Variants in SHISA2 observed in about 807,000 individuals in gnomAD.
SHISA2 encodes the protein shisa family member 2.
A neutral mutation model predicts 23.8 loss-of-function variants in SHISA2; 16 were observed. The observed-to-expected ratio is 0.67, with a 90% CI of 0.46 to 1.02. The LOEUF (loss-of-function observed/expected upper bound fraction) is 1.02. SHISA2 is among the 50% of genes least tolerant of loss of function. The probability of loss-of-function intolerance (pLI) is 0.00; values close to 1 mark genes in which losing one functional copy is unlikely to be tolerated. For synonymous variants in SHISA2, 201 were observed against 178.6 expected, an observed-to-expected ratio of 1.13 and a Z score of -1.00; for missense variants, 459 against 420.1, an observed-to-expected ratio of 1.09 and a Z score of -0.81.
rs931418422 is a variant in SHISA2 at position 26,050,674 on chromosome 13, C to G, written c.302G>C (p.Arg101Pro). Residue 101 changes from arginine (R) to proline (P), a missense_variant, in exon 1 of 2, where the codon CGG becomes CCG. By Grantham distance (103) the Arg-to-Pro change is moderately radical (BLOSUM62 -2). Coordinates refer to ENST00000319420, the MANE Select transcript of SHISA2 (RefSeq NM_001007538.2). ...DRQQGAGEPG[R>P]ADKDGPDGSA... ...GCCGTCGGGGCCGTCTTTGTCCGCC[C>G]GGCCAGGCTCGCCAGCGCCCTGCTG... is the stretch of plus-strand genomic sequence containing the variant. 5.1e-5 allele frequency: 74 copies of G among 1,452,858 alleles called. No individual in the cohort carries two copies. In the African/African-American group the frequency reaches 7.7e-4, roughly 15 times the overall value. 90.0% of individuals were successfully genotyped at this position (1,452,858 alleles called of 1,614,324 possible). A position where few individuals can be genotyped will look rare whatever the true frequency, so the allele number is the denominator to read the frequency against.
rs1257090544 is a variant in SHISA2, at chr13:26,050,660, C to G, written c.316G>C (p.Gly106Arg). Residue 106 changes from glycine to arginine, a missense_variant, in exon 1 of 2, where the codon GGC becomes CGC. Transcript: ENST00000319420. ...AGEPGRADKD[G>R]PDGSAVPIYV... is the part of the protein sequence containing the mutation. ...GCCCTACCTGCCGAGCCGTCGGGGCCGTCTTTGTCCGCCCGGCCAGGCTCG... is the reference window on the plus strand; with the variant it reads ...GCCCTACCTGCCGAGCCGTCGGGGCGGTCTTTGTCCGCCCGGCCAGGCTCG... 10 of 1,431,606 alleles carry G rather than the reference C, an allele frequency of 7.0e-6. No homozygotes were observed. Among genetic ancestry groups the G allele is most frequent in the African/African-American group, 1.5e-5 (1 of 66,564 alleles). The allele number at this position is 1,431,606 out of a possible 1,614,324, so 88.7% of individuals were successfully genotyped here. A position where few individuals can be genotyped will look rare whatever the true frequency, so the allele number is the denominator to read the frequency against.
At chr13:26,047,754 A>G (rs1377818821) in intron 1 of SHISA2, among the ~76,000 whole-genome samples, 1 of 152,098 alleles carries the variant, frequency 6.6e-6, no homozygotes, top group Non-Finnish European at 1.5e-5. Context: ...GTCTGTGTGG[A>G]GGTGGAGGGA....
At position 26,045,576 on chromosome 13, in the gene SHISA2, T is replaced by G. The variant is rs1197041170; in HGVS notation, c.*937A>C. ...CTCTTTTTAATGTAGAAAATCACTT[T>G]GTAATAAGATCTCTACATAAGGTAA... On this transcript the variant is annotated 3_prime_UTR_variant, in exon 2 of 2. Transcript: ENST00000319420. The G allele has an allele frequency of 1.3e-5, 2 of 152,270 alleles. No homozygotes were observed. The highest frequency in any genetic ancestry group is 4.8e-5 in the African/African-American group (2 of 41,536). The allele number at this position is 152,270 out of a possible 1,614,324, so 9.4% of individuals were successfully genotyped here.
chr13:26,048,745 T>C (rs758550645), intron 1 of SHISA2, among the ~76,000 whole-genome samples: 12 of 152,360 alleles, frequency 7.9e-5, no homozygotes, highest in Admixed American at 4.6e-4. Context: ...TTTTAAAGTA[T>C]AATACCAGGT....
Position 26,050,875 on chromosome 13 carries a change from C to T in SHISA2, c.101G>A (p.Ser34Asn), listed in dbSNP as rs767955826. 1 of 1,522,742 alleles carries T rather than the reference C, an allele frequency of 6.6e-7. No individual in the cohort carries two copies. Among genetic ancestry groups the T allele is most frequent in the South Asian group, 1.2e-5 (1 of 82,780 alleles). The allele number at this position is 1,522,742 out of a possible 1,614,324, so 94.3% of individuals were successfully genotyped here. A position where few individuals can be genotyped will look rare whatever the true frequency, so the allele number is the denominator to read the frequency against. Residue 34 changes from serine to asparagine, a missense_variant, in exon 1 of 2, where the codon AGC becomes AAC. By Grantham distance (46) the Ser-to-Asn change is conservative. Coordinates refer to ENST00000319420, the MANE Select transcript of SHISA2 (RefSeq NM_001007538.2). ...AALLAAGARA[S>N]GEYCHGWLDA... is the part of the protein sequence containing the mutation. ...CAGCCAGCCGTGGCAGTACTCGCCG[C>T]TGGCCCTCGCCCCCGCCGCCAGCAG...
rs1214665486 is a variant in SHISA2, at chr13:26,051,650, G to A, written c.-675C>T. Reference sequence around the variant, plus strand: ...CGACGGCCAATCTTCCCAGCACGTCGCCGAGGGAGCGCTCCTGACCCCGGG... The same window carrying A: ...CGACGGCCAATCTTCCCAGCACGTCACCGAGGGAGCGCTCCTGACCCCGGG... On this transcript the variant is annotated 5_prime_UTR_variant, in exon 1 of 2. Coordinates refer to ENST00000319420, the MANE Select transcript of SHISA2 (RefSeq NM_001007538.2). Among the ~76,000 whole-genome samples the A allele has an allele frequency of 6.6e-6, 1 of 151,992 alleles. No homozygotes were observed. Among genetic ancestry groups the A allele is most frequent in the Non-Finnish European group, 1.5e-5 (1 of 67,952 alleles).
chr13:26,046,969 C>T lies in SHISA2; in HGVS notation c.432G>A (p.Arg144=), dbSNP rs1486863075. Residue 144 remains arginine, a synonymous_variant, in exon 2 of 2, where the codon CGG becomes CGA. Transcript: ENST00000319420. Reference sequence around the variant, plus strand: ...GGCTCTGCTGGGGATCCTGCTTAGGCCGGAGACATCTGCAGCAACAGGCTG... The same window carrying T: ...GGCTCTGCTGGGGATCCTGCTTAGGTCGGAGACATCTGCAGCAACAGGCTG... ...LVAACCCRCL[R]PKQDPQQSRA... is the part of the protein sequence containing the mutation. The T allele has an allele frequency of 1.2e-6, 2 of 1,607,604 alleles. No homozygotes were observed. The highest frequency in any genetic ancestry group is 8.5e-7 in the Non-Finnish European group (1 of 1,175,562).
Position 26,050,853 on chromosome 13 carries a change from C to T in SHISA2, c.123G>A (p.Trp41Ter). Reference protein sequence around the residue: ...ARASGEYCHGWLDAQGVWRIG... With the variant: ...ARASGEYCHG ...TGCGCCAGACGCCCTGCGCGTCCAG[C>T]CAGCCGTGGCAGTACTCGCCGCTGG... The change falls in exon 1 of 2, where the codon TGG (tryptophan) becomes TGA (stop). Residue 41 changes from tryptophan (W) to a stop codon, truncating the protein, a stop_gained. Coordinates refer to ENST00000319420, the MANE Select transcript of SHISA2 (RefSeq NM_001007538.2). LOFTEE classifies it high-confidence loss of function. 6.5e-7 allele frequency: 1 copy of T among 1,529,608 alleles called. No individual in the cohort carries two copies. Among genetic ancestry groups the T allele is most frequent in the South Asian group, 1.2e-5 (1 of 83,246 alleles). 94.8% of individuals were successfully genotyped at this position (1,529,608 alleles called of 1,614,324 possible).
Position 26,050,955 on chromosome 13 carries a change from C to T in SHISA2, c.21G>A (p.Ser7=). The T allele has an allele frequency of 6.6e-7, 1 of 1,512,756 alleles. No individual in the cohort carries two copies. The highest frequency in any genetic ancestry group is 8.8e-7 in the Non-Finnish European group (1 of 1,137,960). The allele number at this position is 1,512,756 out of a possible 1,614,324, so 93.7% of individuals were successfully genotyped here. Reference sequence around the variant, plus strand: ...CGGCGTTCCAGGATGAGGAGACGGACGAGCGGCGAGCGCCCCACATGGCAC... The same window carrying T: ...CGGCGTTCCAGGATGAGGAGACGGATGAGCGGCGAGCGCCCCACATGGCAC... The part of the protein sequence containing the change: MWGARR[S]SVSSSWNAAS... Residue 7 remains serine, a synonymous_variant, in exon 1 of 2, where the codon TCG becomes TCA. Coordinates refer to ENST00000319420, the MANE Select transcript of SHISA2 (RefSeq NM_001007538.2).
At position 26,050,935 on chromosome 13, in the gene SHISA2, T is replaced by G; in HGVS notation, c.41A>C (p.Asn14Thr). Residue 14 changes from asparagine (N) to threonine (T), a missense_variant, in exon 1 of 2, where the codon AAC (asparagine) becomes ACC (threonine). Transcript: ENST00000319420. ...ARRSSVSSSW[N>T]AASLLQLLLA... ...CAGCAGCTGCAGGAGCGAAGCGGCG[T>G]TCCAGGATGAGGAGACGGACGAGCG... The G allele has an allele frequency of 6.6e-7, 1 of 1,520,276 alleles. No homozygotes were observed. Among genetic ancestry groups the G allele is most frequent in the Non-Finnish European group, 8.8e-7 (1 of 1,141,308 alleles). The allele number at this position is 1,520,276 out of a possible 1,614,324, so 94.2% of individuals were successfully genotyped here. A position where few individuals can be genotyped will look rare whatever the true frequency, so the allele number is the denominator to read the frequency against.
rs56664482 is a variant in SHISA2 at position 26,046,082 on chromosome 13, TAAAA to T, written c.*427_*430del. ...GCAACAGAGCAAGACCCTGTCTGAT[TAAAA>T]AAAAAAAAAAAAAAAAAAAAAGTCC... On this transcript the variant is annotated 3_prime_UTR_variant, in exon 2 of 2. Transcript: ENST00000319420. 1.8e-4 allele frequency: 12 copies of T among 68,358 alleles called. No homozygotes were observed. Among genetic ancestry groups the T allele is most frequent in the South Asian group, 1.6e-3 (3 of 1,844 alleles). 4.2% of individuals were successfully genotyped at this position (68,358 alleles called of 1,614,324 possible). A position where few individuals can be genotyped will look rare whatever the true frequency, so the allele number is the denominator to read the frequency against.
chr13:26,050,804 AG>A lies in SHISA2; in HGVS notation c.171del (p.Phe58SerfsTer103). ...VWRIGFQCPE[R>X]FDGGDATICC... ...CAGATGGTGGCGTCGCCGCCGTCGA[AG>A]CGCTCGGGACACTGGAAGCCGATGC... On this transcript the variant is annotated frameshift_variant, in exon 1 of 2. Transcript: ENST00000319420. LOFTEE classifies it high-confidence loss of function. 1.3e-6 allele frequency: 2 copies of A among 1,529,450 alleles called. No homozygotes were observed. The highest frequency in any genetic ancestry group is 1.7e-6 in the Non-Finnish European group (2 of 1,148,958). 94.7% of individuals were successfully genotyped at this position (1,529,450 alleles called of 1,614,324 possible).
In SHISA2 at chr13:26,046,627, G is replaced by C. The variant is rs1957269534; in HGVS notation, c.774C>G (p.Pro258=). ...VGYTVQHDSV[P]MTAVPPFMDG... The stretch of plus-strand genomic sequence containing the variant: ...CCATGAAAGGTGGCACAGCTGTCAT[G>C]GGCACAGAGTCGTGCTGCACCGTGT... The change falls in exon 2 of 2, where the codon CCC becomes CCG. Residue 258 remains proline (P), a synonymous_variant. Transcript: ENST00000319420. 2 of 1,614,202 alleles carry C rather than the reference G, an allele frequency of 1.2e-6. No individual in the cohort carries two copies. Among genetic ancestry groups the C allele is most frequent in the Non-Finnish European group, 1.7e-6 (2 of 1,180,040 alleles).
intron 1 of SHISA2, among the ~76,000 whole-genome samples, chr13:26,048,218 G>C (rs1167342049): frequency 6.6e-6 from 1 of 152,128 alleles, no homozygotes; most frequent in Non-Finnish European, 1.5e-5. Flanking sequence ...CAGGAGAATC[G>C]CTTGAACCCA....
rs1957301039 is a variant in SHISA2, at chr13:26,051,111, G to T, written c.-136C>A. On this transcript the variant is annotated 5_prime_UTR_variant, in exon 1 of 2. Transcript: ENST00000319420. ...TCCGCGCGGGCCACTCCCCTCTGCC[G>T]CGACGCCCAGGAGGCGACGACGCCG... 2 of 777,274 alleles carry T rather than the reference G, an allele frequency of 2.6e-6. No homozygotes were observed. Among genetic ancestry groups the T allele is most frequent in the Non-Finnish European group, 3.8e-6 (2 of 527,350 alleles). The allele number at this position is 777,274 out of a possible 1,614,324, so 48.1% of individuals were successfully genotyped here.
chr13:26,050,400 C>T (rs1957293897), intron 1 of SHISA2, among the ~76,000 whole-genome samples: 1 of 152,214 alleles, frequency 6.6e-6, no homozygotes, highest in African/African-American at 2.4e-5. Flanking sequence ...CCCACACTGC[C>T]TTAGGAGTGT....
Position 26,046,400 on chromosome 13 carries a change from G to T in SHISA2, c.*113C>A. On this transcript the variant is annotated 3_prime_UTR_variant, in exon 2 of 2. Transcript: ENST00000319420. ...TTCATACAGTCTGGGGGCAAATGAA[G>T]CCATCCAAAGGAATCGTGCCATAAA... 1 of 1,089,894 alleles carries T rather than the reference G, an allele frequency of 9.2e-7. No individual in the cohort carries two copies. Among genetic ancestry groups the T allele is most frequent in the Non-Finnish European group, 1.3e-6 (1 of 777,776 alleles). 67.5% of individuals were successfully genotyped at this position (1,089,894 alleles called of 1,614,324 possible).
rs1045366265 is a variant in SHISA2, at chr13:26,051,634, A to G, written c.-659T>C. On this transcript the variant is annotated 5_prime_UTR_variant, in exon 1 of 2. Transcript: ENST00000319420. Reference sequence around the variant, plus strand: ...CTCCACTCGGCGGGGCCGACGGCCAATCTTCCCAGCACGTCGCCGAGGGAG... The same window carrying G: ...CTCCACTCGGCGGGGCCGACGGCCAGTCTTCCCAGCACGTCGCCGAGGGAG... Among the ~76,000 whole-genome samples the G allele has an allele frequency of 6.6e-6, 1 of 151,916 alleles. No individual in the cohort carries two copies. Among genetic ancestry groups the G allele is most frequent in the Non-Finnish European group, 1.5e-5 (1 of 67,920 alleles).
Position 26,046,973 on chromosome 13 carries a change from A to G in SHISA2, c.428T>C (p.Leu143Pro). Residue 143 changes from leucine (L) to proline (P), a missense_variant, in exon 2 of 2, where the codon CTC (leucine) becomes CCC (proline). Leu to Pro is a moderately conservative substitution (Grantham distance 98, BLOSUM62 -3). Coordinates refer to ENST00000319420, the MANE Select transcript of SHISA2 (RefSeq NM_001007538.2). ...SLVAACCCRC[L>P]RPKQDPQQSR... ...CTGCTGGGGATCCTGCTTAGGCCGG[A>G]GACATCTGCAGCAACAGGCTGCCAC... 6.2e-7 allele frequency: 1 copy of G among 1,604,490 alleles called. No homozygotes were observed. The highest frequency in any genetic ancestry group is 2.2e-5 in the East Asian group (1 of 44,594).
Sources: gnomAD v4.1 joint callset for allele counts (sites outside exome capture counted in the v4.1 genomes callset) on GRCh38, gnomAD v4.1.1 for gene constraint, MANE v1.5 for transcripts, NCBI Gene and HGNC (gene_info 2026-07-23, HGNC 2026-07-21) for gene names.